Variants in GRM5 observed in about 807,000 individuals in gnomAD.
GRM5 encodes the protein metabotropic glutamate receptor 5.
A neutral mutation model predicts 83.1 loss-of-function variants in GRM5; 19 were observed. That is an observed-to-expected ratio of 0.23 (90% CI 0.16 to 0.34). The LOEUF is 0.34. Among genes scored for constraint, GRM5 ranks in the 10% least tolerant of loss-of-function variants. The probability of loss-of-function intolerance (pLI) is 1.00; values close to 1 mark genes in which losing one functional copy is unlikely to be tolerated. For missense variants in GRM5, 1,160 were observed against 1,588.3 expected (o/e 0.73, Z 4.58); for synonymous variants, 675 against 633.6 (o/e 1.07, Z -0.98).
intron 4 of GRM5, among the ~76,000 whole-genome samples, chr11:88,634,955 G>A (rs751870038): frequency 3.9e-5 from 6 of 152,120 alleles, no homozygotes; most frequent in Admixed American, 1.3e-4. Flanking sequence ...GTGGACCATC[G>A]TTTACTGAAT....
chr11:88,719,759 A>G (rs1591464471), intron 3 of GRM5, among the ~76,000 whole-genome samples: 1 of 152,114 alleles, frequency 6.6e-6, no homozygotes, highest in Middle Eastern at 3.4e-3. Context: ...AACCATTCTG[A>G]CTGGCATGAG....
At chr11:88,878,897 T>C (rs1302435399) in intron 2 of GRM5, among the ~76,000 whole-genome samples, 5 of 152,108 alleles carry the variant, frequency 3.3e-5, no homozygotes, top group African/African-American at 4.8e-5. Flanking sequence ...ACTATAGGAA[T>C]AAAAATCAGA....
At chr11:88,633,971 G>C (rs1165449615) in intron 4 of GRM5, among the ~76,000 whole-genome samples, 3 of 152,134 alleles carry the variant, frequency 2.0e-5, no homozygotes, top group African/African-American at 7.2e-5. Flanking sequence ...TAAGCTATAT[G>C]ATATAGCTGG....
chr11:88,986,544 G>C (rs1478389607), intron 2 of GRM5, among the ~76,000 whole-genome samples: 1 of 151,814 alleles, frequency 6.6e-6, no homozygotes, highest in Non-Finnish European at 1.5e-5. Flanking sequence ...TTTTTATTTG[G>C]GTTACTTGTT....
intron 2 of GRM5, among the ~76,000 whole-genome samples, chr11:89,025,981 G>A (rs564691487): frequency 2.6e-4 from 39 of 152,192 alleles, no homozygotes; most frequent in Non-Finnish European, 4.3e-4. Flanking sequence ...GTACATATAC[G>A]CAGTGAAATA....
In GRM5 at chr11:89,057,455, A is replaced by T. The variant is rs148577626; in HGVS notation, c.-201+8321T>A. Among the ~76,000 whole-genome samples, 1,338 of 152,306 alleles carry T rather than the reference A, an allele frequency of 8.8e-3. 22 individuals are homozygous for T. Among genetic ancestry groups the T allele is most frequent in the African/African-American group, 0.031 (1,281 of 41,566 alleles). ...TAACTGAAACCCCCTCAACAAAAAA[A>T]GGGCCATAAAACACTATTGTACAAA... On this transcript the variant is annotated intron_variant, in intron 1 of 9. Transcript: ENST00000305447.
At chr11:89,039,241 G>A (rs886124854) in intron 2 of GRM5, among the ~76,000 whole-genome samples, 2 of 148,932 alleles carry the variant, frequency 1.3e-5, no homozygotes, top group Admixed American at 1.4e-4. Context: ...CTCCAGCCTG[G>A]GCGACAAACT....
At chr11:88,718,763 G>C (rs1565199743) in intron 3 of GRM5, among the ~76,000 whole-genome samples, 1 of 151,824 alleles carries the variant, frequency 6.6e-6, no homozygotes, top group Non-Finnish European at 1.5e-5. Flanking sequence ...TTTCTATAAT[G>C]TGAGTGAAAG....
intron 3 of GRM5, among the ~76,000 whole-genome samples, chr11:88,731,857 A>G (rs1213517253): frequency 6.6e-6 from 1 of 152,034 alleles, no homozygotes; most frequent in African/African-American, 2.4e-5. Flanking sequence ...GACTTTCTGA[A>G]CAGCTATCAG....
chr11:89,024,335 G>C (rs1462579935), intron 2 of GRM5, among the ~76,000 whole-genome samples: 1 of 152,194 alleles, frequency 6.6e-6, no homozygotes, highest in Non-Finnish European at 1.5e-5. Context: ...CAGAGATACT[G>C]AGGAGACTAT....
rs1941194777 is a variant in GRM5, at chr11:88,506,834, G to A, written c.*1758C>T. On this transcript the variant is annotated 3_prime_UTR_variant, in exon 10 of 10. Coordinates refer to ENST00000305447, the MANE Select transcript of GRM5 (RefSeq NM_001143831.3). The stretch of plus-strand genomic sequence containing the variant: ...TCAGTTTATTTTCTGTTAAGTAGAT[G>A]TGAAATAAAAAAAAATACTTACCAA... 1 of 152,004 alleles carries A rather than the reference G, an allele frequency of 6.6e-6. No individual in the cohort carries two copies. Among genetic ancestry groups the A allele is most frequent in the Non-Finnish European group, 1.5e-5 (1 of 67,968 alleles). The allele number at this position is 152,004 out of a possible 1,614,324, so 9.4% of individuals were successfully genotyped here.
chr11:88,711,886 C>A (rs1188017477), intron 3 of GRM5, among the ~76,000 whole-genome samples: 1 of 151,870 alleles, frequency 6.6e-6, no homozygotes, highest in African/African-American at 2.4e-5. Context: ...GATTCCACTT[C>A]AAAATAGCAA....
chr11:88,942,521 C>A (rs1938148055), intron 2 of GRM5, among the ~76,000 whole-genome samples: 1 of 151,994 alleles, frequency 6.6e-6, no homozygotes, highest in Admixed American at 6.6e-5. Context: ...TTCCTGCTTC[C>A]TGCCAACACC....
chr11:88,875,028 G>T (rs1463150320), intron 2 of GRM5, among the ~76,000 whole-genome samples: 1 of 150,726 alleles, frequency 6.6e-6, no homozygotes, highest in Non-Finnish European at 1.5e-5. Context: ...TGAATGTTTG[G>T]GTGGCTGTGG....
chr11:88,686,434 T>C (rs1244664681), intron 3 of GRM5, among the ~76,000 whole-genome samples: 5 of 152,110 alleles, frequency 3.3e-5, no homozygotes, highest in Non-Finnish European at 1.5e-5. Flanking sequence ...CTTTGAACTG[T>C]GGACTTTCGG....
chr11:88,664,376 CT>C (rs1337383068), intron 3 of GRM5, among the ~76,000 whole-genome samples: 2 of 151,910 alleles, frequency 1.3e-5, no homozygotes, highest in Non-Finnish European at 2.9e-5. Context: ...CATGTACAGA[CT>C]TTTTTTCCCT....
chr11:88,686,028 A>G (rs1235208870), intron 3 of GRM5, among the ~76,000 whole-genome samples: 4 of 152,148 alleles, frequency 2.6e-5, no homozygotes, highest in African/African-American at 9.7e-5. Flanking sequence ...TCCAGACCCC[A>G]GAATGGTAGA....
At chr11:88,748,655 A>ATGGAGGT (rs1425014247) in intron 3 of GRM5, among the ~76,000 whole-genome samples, 1 of 152,082 alleles carries the variant, frequency 6.6e-6, no homozygotes, top group Non-Finnish European at 1.5e-5. Context: ...AGACCTTCCA[A>ATGGAGGT]TGGAGGTCTC....
chr11:88,983,062 G>A (rs762924880), intron 2 of GRM5, among the ~76,000 whole-genome samples: 13 of 141,284 alleles, frequency 9.2e-5, no homozygotes, highest in East Asian at 7.8e-4. Flanking sequence ...GCGAAACTCC[G>A]TCACACACAC....
Sources: allele counts gnomAD v4.1 joint callset (sites outside exome capture counted in the v4.1 genomes callset), GRCh38; gene constraint gnomAD v4.1.1; transcripts MANE v1.5; gene names NCBI Gene and HGNC (gene_info 2026-07-23, HGNC 2026-07-21).